The following TRIM24 variants were observed in gnomAD, a reference collection of about 807,000 sequenced individuals.
The protein encoded by TRIM24 is transcription intermediary factor 1-alpha.
In TRIM24, 29 loss-of-function variants were observed where a neutral mutation model predicts 123.9. The observed-to-expected ratio is 0.23, with a 90% CI of 0.17 to 0.32. TRIM24 has a LOEUF of 0.32. Among genes scored for constraint, TRIM24 ranks in the 10% least tolerant of loss-of-function variants. The pLI, the probability that TRIM24 is intolerant of heterozygous loss-of-function variation, is 1.00. For missense variants in TRIM24, 932 were observed against 1,295.3 expected (o/e 0.72, Z 4.31); for synonymous variants, 456 against 461.1 (o/e 0.99, Z 0.14).
chr7:138,474,380 C>T (rs567069217), intron 1 of TRIM24, among the ~76,000 whole-genome samples: 1 of 152,302 alleles, frequency 6.6e-6, no homozygotes, highest in Non-Finnish European at 1.5e-5. Context: ...CCGCCTCAGC[C>T]TCCCAAAGTG....
rs372521577 is a variant in TRIM24 at position 138,489,707 on chromosome 7, G to A, written c.365-14583G>A. Among the ~76,000 whole-genome samples the A allele has an allele frequency of 3.8e-4, 58 of 152,234 alleles. No homozygotes were observed. The East Asian group carries it at 4.4e-3, about 12-fold the overall frequency. ...TCTCTTGGCTTGTAGAGTTTCTGCCGAGAGATCCACTGTTAGTCTGATGGG... is the reference window on the plus strand; with the variant it reads ...TCTCTTGGCTTGTAGAGTTTCTGCCAAGAGATCCACTGTTAGTCTGATGGG... On this transcript the variant is annotated intron_variant, in intron 1 of 18. Transcript: ENST00000343526.
In TRIM24 at chr7:138,554,625, A is replaced by G. The variant is rs938129355; in HGVS notation, c.1262-73A>G. The G allele has an allele frequency of 2.0e-6, 3 of 1,521,682 alleles. No homozygotes were observed. The highest frequency in any genetic ancestry group is 3.6e-4 in the Middle Eastern group (2 of 5,616). 94.3% of individuals were successfully genotyped at this position (1,521,682 alleles called of 1,614,324 possible). ...TTGGCAATTTTGAAGTTCTGCAAAA[A>G]TAGCTTTAGAAAATGTGATATTTCA... is the stretch of plus-strand genomic sequence containing the variant. On this transcript the variant is annotated intron_variant, in intron 8 of 18. Coordinates refer to ENST00000343526, the MANE Select transcript of TRIM24 (RefSeq NM_015905.3). This position sits in a 1 kb window ranked among gnomAD's most constrained non-coding sequence, Gnocchi z 4.5.
chr7:138,481,444 CT>C (rs1024031346), intron 1 of TRIM24, among the ~76,000 whole-genome samples: 5 of 151,758 alleles, frequency 3.3e-5, no homozygotes, highest in African/African-American at 1.2e-4. Context: ...TTCTGTTTGC[CT>C]TTTTTATAGG....
chr7:138,508,357 C>T (rs1431855677), intron 2 of TRIM24, among the ~76,000 whole-genome samples: 1 of 152,096 alleles, frequency 6.6e-6, no homozygotes, highest in African/African-American at 2.4e-5. Flanking sequence ...TGTGTATGCT[C>T]ATCAGGAAGC....
chr7:138,549,036 GTATAA>G (rs1264752067), intron 7 of TRIM24, among the ~76,000 whole-genome samples: 2 of 152,126 alleles, frequency 1.3e-5, no homozygotes, highest in Non-Finnish European at 1.5e-5. Context: ...ATGAGAAAAA[GTATAA>G]TATAATAAAT....
intron 1 of TRIM24, among the ~76,000 whole-genome samples, chr7:138,463,258 T>C (rs1795052967): frequency 6.6e-6 from 1 of 151,584 alleles, no homozygotes; most frequent in African/African-American, 2.4e-5. Flanking sequence ...CCTGCGTTCT[T>C]ACCTTCCTAC....
In TRIM24 at chr7:138,570,976, G is replaced by T. The variant is rs962642904; in HGVS notation, c.1851G>T (p.Gly617=). ...TCGATTTGAGCTCACCAGTGGGAGG[G>T]TCTTATAATCTTCCCTCTCTTCCGG... ...PMIDLSSPVG[G]SYNLPSLPDI... The change falls in exon 11 of 19, where the codon GGG becomes GGT. Residue 617 remains glycine (G), a synonymous_variant. Transcript: ENST00000343526. 3 of 1,613,892 alleles carry T rather than the reference G, an allele frequency of 1.9e-6. No individual in the cohort carries two copies. The highest frequency in any genetic ancestry group is 1.3e-5 in the African/African-American group (1 of 74,876).
intron 7 of TRIM24, among the ~76,000 whole-genome samples, chr7:138,548,805 C>A (rs182244431): frequency 6.6e-6 from 1 of 152,064 alleles, no homozygotes; most frequent in African/African-American, 2.4e-5. Flanking sequence ...TATTTTAAAA[C>A]CTTTTGTTAA....
In TRIM24 at chr7:138,519,280, G is replaced by A. The variant is rs1796459556; in HGVS notation, c.723G>A (p.Leu241=). Residue 241 remains leucine, a synonymous_variant, in exon 4 of 19, where the codon CTG becomes CTA. Coordinates refer to ENST00000343526, the MANE Select transcript of TRIM24 (RefSeq NM_015905.3). ...LKLYCETCDK[L]TCRDCQLLEH... is the part of the protein sequence containing the mutation. ...TGTACTGTGAGACATGTGACAAACTGACATGTCGAGACTGTCAGTTGTTAG... is the reference window on the plus strand; with the variant it reads ...TGTACTGTGAGACATGTGACAAACTAACATGTCGAGACTGTCAGTTGTTAG... 3 of 1,613,278 alleles carry A rather than the reference G, an allele frequency of 1.9e-6. No individual in the cohort carries two copies. The highest frequency in any genetic ancestry group is 1.3e-5 in the African/African-American group (1 of 75,004).
rs561070135 is a variant in TRIM24, at chr7:138,581,693, T to G, written c.2719-4T>G. 1 of 1,607,964 alleles carries G rather than the reference T, an allele frequency of 6.2e-7. No homozygotes were observed. Among genetic ancestry groups the G allele is most frequent in the East Asian group, 2.2e-5 (1 of 44,780 alleles). On this transcript the variant is annotated splice_polypyrimidine_tract_variant and splice_region_variant and intron_variant, in intron 16 of 18. Transcript: ENST00000343526. ...TATCTCAGTTTTTATTTATTTTTGC[T>G]TAGAAGTGTGAGCGCCTACTTTTAT...
chr7:138,508,728 T>TGTGTGTGTGCGTGC (rs1554436760), intron 2 of TRIM24, among the ~76,000 whole-genome samples: 2 of 136,404 alleles, frequency 1.5e-5, no homozygotes, highest in East Asian at 2.0e-4. Flanking sequence ...TGCGTGTGTG[T>TGTGTGTGTGCGTGC]GTGTGTGTGT....
At chr7:138,508,692 T>TGTGCGCGC (rs1422176564) in intron 2 of TRIM24, among the ~76,000 whole-genome samples, 5,233 of 137,198 alleles carry the variant, frequency 0.038, 202 homozygotes, top group South Asian at 0.13. Context: ...TGTGTGTGTG[T>TGTGCGCGC]GCGCGCGCGT....
rs1797463982 is a variant in TRIM24, at chr7:138,563,237, C to CGG, written c.1531-4243_1531-4242dup. Among the ~76,000 whole-genome samples the CGG allele has an allele frequency of 2.0e-5, 3 of 152,300 alleles. No homozygotes were observed. In the South Asian group the frequency reaches 6.2e-4, roughly 32 times the overall value. On this transcript the variant is annotated intron_variant, in intron 9 of 18. Coordinates refer to ENST00000343526, the MANE Select transcript of TRIM24 (RefSeq NM_015905.3). Reference sequence around the variant, plus strand: ...TCAGTCCCTGCCACCCCGATCAGGTCGGTATCTGGTTCCTTCAGGGTGCAG... The same window carrying CGG: ...TCAGTCCCTGCCACCCCGATCAGGTCGGGGTATCTGGTTCCTTCAGGGTGCAG...
intron 6 of TRIM24, among the ~76,000 whole-genome samples, chr7:138,532,598 C>G (rs1018892777): frequency 2.6e-5 from 4 of 152,160 alleles, no homozygotes; most frequent in Non-Finnish European, 5.9e-5. Flanking sequence ...CAGTACCATG[C>G]TGTTTTGGTT....
At chr7:138,529,283 G>A in intron 6 of TRIM24, 53 bp downstream of exon 6, 1 of 908,982 alleles carries the variant, frequency 1.1e-6, no homozygotes, top group South Asian at 2.3e-5. Context: ...ATTTCCTAAA[G>A]TACTGTGAAG....
chr7:138,507,883 A>T (rs1468001978), intron 2 of TRIM24, among the ~76,000 whole-genome samples: 1 of 152,008 alleles, frequency 6.6e-6, no homozygotes, highest in Non-Finnish European at 1.5e-5. Flanking sequence ...GCAGTGAGCC[A>T]TAATCATGCC....
At chr7:138,486,039 G>A (rs7797633) in intron 1 of TRIM24, among the ~76,000 whole-genome samples, 1 of 152,118 alleles carries the variant, frequency 6.6e-6, no homozygotes, top group Admixed American at 6.5e-5. Context: ...ATTCTAACTG[G>A]TGTGAGATGG....
Position 138,586,770 on chromosome 7 carries a change from T to G in TRIM24, c.*1819T>G, listed in dbSNP as rs1266606619. Reference sequence around the variant, plus strand: ...TTTGCTGATAATTTTATTGTTGGTATCTTAGAATACTGTTCGTCTGACAGT... The same window carrying G: ...TTTGCTGATAATTTTATTGTTGGTAGCTTAGAATACTGTTCGTCTGACAGT... On this transcript the variant is annotated 3_prime_UTR_variant, in exon 19 of 19. Transcript: ENST00000343526. The G allele has an allele frequency of 1.3e-5, 2 of 152,240 alleles. No homozygotes were observed. Among genetic ancestry groups the G allele is most frequent in the Non-Finnish European group, 2.9e-5 (2 of 68,034 alleles). 9.4% of individuals were successfully genotyped at this position (152,240 alleles called of 1,614,324 possible). A position where few individuals can be genotyped will look rare whatever the true frequency, so the allele number is the denominator to read the frequency against.
At chr7:138,513,551 A>G (rs532606817) in intron 2 of TRIM24, among the ~76,000 whole-genome samples, 2 of 152,264 alleles carry the variant, frequency 1.3e-5, no homozygotes, top group African/African-American at 2.4e-5. Context: ...TGGCTGGAGC[A>G]GGGGCAAAAA....
Sources: allele counts gnomAD v4.1 joint callset (sites outside exome capture counted in the v4.1 genomes callset), GRCh38; gene constraint gnomAD v4.1.1; non-coding constraint Gnocchi (gnomAD v3.1); transcripts MANE v1.5; gene names NCBI Gene and HGNC (gene_info 2026-07-23, HGNC 2026-07-21).